Variants in CCBE1 observed in about 807,000 individuals in gnomAD.
CCBE1 encodes collagen and calcium-binding EGF domain-containing protein 1.
CCBE1 carries 37 observed loss-of-function variants against 50.0 expected under a neutral mutation model. That is an observed-to-expected ratio of 0.74 (90% CI 0.57 to 0.97). CCBE1 has a LOEUF of 0.97. Ranked by LOEUF, CCBE1 falls within the 50% of genes least tolerant of loss-of-function variation. The probability of loss-of-function intolerance (pLI) is 0.00; values close to 1 mark genes in which losing one functional copy is unlikely to be tolerated. For missense variants in CCBE1, 538 were observed against 523.8 expected (o/e 1.03, Z -0.26); for synonymous variants, 234 against 203.7 (o/e 1.15, Z -1.27).
At chr18:59,501,207 G>A (rs962204274) in intron 2 of CCBE1, among the ~76,000 whole-genome samples, 1 of 152,242 alleles carries the variant, frequency 6.6e-6, no homozygotes, top group African/African-American at 2.4e-5. Context: ...GAAGCGTCAA[G>A]GCTGCCGGCT....
chr18:59,605,524 G>T (rs2053486561), intron 2 of CCBE1, among the ~76,000 whole-genome samples: 1 of 152,152 alleles, frequency 6.6e-6, no homozygotes, highest in Non-Finnish European at 1.5e-5. Flanking sequence ...TCTTAGGTTG[G>T]CCAGCATTCC....
chr18:59,449,172 A>G (rs1220421051), intron 6 of CCBE1, among the ~76,000 whole-genome samples: 1 of 152,140 alleles, frequency 6.6e-6, no homozygotes, highest in East Asian at 1.9e-4. Flanking sequence ...GCCACTTTCT[A>G]CCTGTGGGAT....
intron 2 of CCBE1, among the ~76,000 whole-genome samples, chr18:59,542,577 T>C (rs900856425): frequency 6.6e-6 from 1 of 152,248 alleles, no homozygotes; most frequent in East Asian, 1.9e-4. Context: ...AATGTTCTAT[T>C]GCACCATATG....
Position 59,590,438 on chromosome 18 carries a change from T to C in CCBE1, c.212+106191A>G, listed in dbSNP as rs2053246304. Among the ~76,000 whole-genome samples the C allele has an allele frequency of 3.3e-5, 5 of 152,300 alleles. No homozygotes were observed. The South Asian group carries it at 1.0e-3, about 32-fold the overall frequency. On this transcript the variant is annotated intron_variant, in intron 2 of 10. Coordinates refer to ENST00000439986, the MANE Select transcript of CCBE1 (RefSeq NM_133459.4). ...GCTAGATGACTCAGTAAGGATCAGT[T>C]CTCCTTAATTTATAAATTTCAATAA...
intron 7 of CCBE1, 92 bp downstream of exon 7, chr18:59,447,891 C>T (rs1472009725): frequency 1.3e-6 from 2 of 1,586,670 alleles, no homozygotes; most frequent in South Asian, 1.1e-5. Context: ...TCGATGGAAG[C>T]TGGAGAACAT....
rs546582084 is a variant in CCBE1 at position 59,677,098 on chromosome 18, C to A, written c.212+19531G>T. ...GCCTGGGTATTTTAAGGTTCAGGATCATACCTTCTGCTACATGGGAATAGA... is the reference window on the plus strand; with the variant it reads ...GCCTGGGTATTTTAAGGTTCAGGATAATACCTTCTGCTACATGGGAATAGA... On this transcript the variant is annotated intron_variant, in intron 2 of 10. Coordinates refer to ENST00000439986, the MANE Select transcript of CCBE1 (RefSeq NM_133459.4). 5.9e-5 allele frequency among the ~76,000 whole-genome samples: 9 copies of A among 152,212 alleles called. No homozygotes were observed. The South Asian group carries it at 1.9e-3, about 32-fold the overall frequency.
At chr18:59,439,621 G>A (rs1205006895) in intron 8 of CCBE1, 43 bp from the exon 9 acceptor site, 2 of 1,614,206 alleles carry the variant, frequency 1.2e-6, no homozygotes, top group South Asian at 2.2e-5. Context: ...GCAAAAGCAT[G>A]GGACAAAAAC....
chr18:59,542,871 CT>C, intron 2 of CCBE1, among the ~76,000 whole-genome samples: 1 of 152,318 alleles, frequency 6.6e-6, no homozygotes, highest in African/African-American at 2.4e-5. Context: ...ATCCCTCTTT[CT>C]CATGGCCGGC....
chr18:59,696,797 A>T (rs2054811503), intron 1 of CCBE1, 88 bp from the exon 2 acceptor site: 1 of 1,391,552 alleles, frequency 7.2e-7, no homozygotes, highest in Non-Finnish European at 1.0e-6. Flanking sequence ...GCGCGTGGGG[A>T]TCGCCAGGCT....
At chr18:59,573,172 C>G (rs2052939987) in intron 2 of CCBE1, among the ~76,000 whole-genome samples, 2 of 150,846 alleles carry the variant, frequency 1.3e-5, no homozygotes, top group Admixed American at 6.6e-5. Context: ...GTAATCCTAG[C>G]TACTCGGGAG....
chr18:59,629,264 G>T (rs1482110809), intron 2 of CCBE1, among the ~76,000 whole-genome samples: 3 of 152,056 alleles, frequency 2.0e-5, no homozygotes, highest in African/African-American at 7.2e-5. Flanking sequence ...CTTCCCCCAG[G>T]TATCATGTAA....
chr18:59,680,825 C>T (rs1277439167), intron 2 of CCBE1, among the ~76,000 whole-genome samples: 1 of 152,060 alleles, frequency 6.6e-6, no homozygotes, highest in Non-Finnish European at 1.5e-5. Flanking sequence ...TCCAAAGGAG[C>T]GTAGGTTAAA....
intron 2 of CCBE1, among the ~76,000 whole-genome samples, chr18:59,675,569 T>A (rs2054490146): frequency 6.6e-6 from 1 of 152,158 alleles, no homozygotes; most frequent in Non-Finnish European, 1.5e-5. Flanking sequence ...TTCCTCCATC[T>A]CTCAACTCCA....
intron 10 of CCBE1, 60 bp downstream of exon 10, chr18:59,438,051 A>C: frequency 6.4e-7 from 1 of 1,565,236 alleles, no homozygotes; most frequent in Non-Finnish European, 8.8e-7. Context: ...CTATAGGCTC[A>C]TCAGAGCTGC....
chr18:59,454,848 T>C lies in CCBE1; in HGVS notation c.654+3A>G, dbSNP rs1449093065. On this transcript the variant is annotated splice_donor_region_variant and intron_variant, in intron 6 of 10. Transcript: ENST00000439986. ...TCATCGTTCCCACCCCAGCGGCACG[T>C]ACCTTTTGCTTCAGCTGCAGCACGG... 1.2e-6 allele frequency: 2 copies of C among 1,613,684 alleles called. No individual in the cohort carries two copies. The highest frequency in any genetic ancestry group is 2.2e-5 in the East Asian group (1 of 44,882).
chr18:59,441,735 AG>A (rs1910434953), intron 7 of CCBE1, among the ~76,000 whole-genome samples: 1 of 152,230 alleles, frequency 6.6e-6, no homozygotes, highest in African/African-American at 2.4e-5. Flanking sequence ...AAAACAATAT[AG>A]GCTCATCAAC....
chr18:59,499,885 C>T (rs1489608852), intron 2 of CCBE1, among the ~76,000 whole-genome samples: 1 of 152,204 alleles, frequency 6.6e-6, no homozygotes, highest in Non-Finnish European at 1.5e-5. Flanking sequence ...CAAGAAGGGT[C>T]TTCCAAAGGA....
chr18:59,501,171 T>A (rs908191194), intron 2 of CCBE1, among the ~76,000 whole-genome samples: 25 of 152,240 alleles, frequency 1.6e-4, no homozygotes, highest in Non-Finnish European at 4.4e-5. Flanking sequence ...GGTGATGCCA[T>A]CCTTAGCAGA....
chr18:59,501,828 A>T lies in CCBE1; in HGVS notation c.213-21590T>A, dbSNP rs114037377. ...CATTCATTCCTTCATTTATTTTGAG[A>T]CAGGGTCTCACTCTGTCGCCCAGGC... On this transcript the variant is annotated intron_variant, in intron 2 of 10. Coordinates refer to ENST00000439986, the MANE Select transcript of CCBE1 (RefSeq NM_133459.4). Among the ~76,000 whole-genome samples, 742 of 152,264 alleles carry T rather than the reference A, an allele frequency of 4.9e-3. 3 individuals are homozygous for T. Among genetic ancestry groups the T allele is most frequent in the African/African-American group, 0.016 (682 of 41,554 alleles).
Sources: allele counts gnomAD v4.1 joint callset (sites outside exome capture counted in the v4.1 genomes callset), GRCh38; gene constraint gnomAD v4.1.1; transcripts MANE v1.5; gene names NCBI Gene and HGNC (gene_info 2026-07-23, HGNC 2026-07-21).